SLC9A7: variants seen among roughly 807,000 people sequenced by gnomAD.
SLC9A7 encodes sodium/hydrogen exchanger 7.
A neutral mutation model predicts 52.6 loss-of-function variants in SLC9A7; 19 were observed. The observed-to-expected ratio is 0.36, with a 90% confidence interval of 0.25 to 0.53. The LOEUF is 0.53. SLC9A7 is among the 20% of genes least tolerant of loss of function. SLC9A7 has a pLI of 0.91. For missense variants in SLC9A7, 455 were observed against 597.9 expected, an observed-to-expected ratio of 0.76 and a Z score of 2.49; for synonymous variants, 226 against 252.1, an observed-to-expected ratio of 0.90 and a Z score of 0.98.
chrX:46,609,416 G>A (rs1338352877), intron 16 of SLC9A7, among the ~76,000 whole-genome samples: 2 of 112,383 alleles, frequency 1.8e-5, no homozygotes, highest in South Asian at 3.6e-4. Context: ...TAAAACCCAC[G>A]GAGGCTGGGT....
chrX:46,671,296 T>C (rs1236261584), intron 4 of SLC9A7, among the ~76,000 whole-genome samples: 1 of 110,895 alleles, frequency 9.0e-6, no homozygotes, highest in Non-Finnish European at 1.9e-5. Context: ...AGTCTCACTC[T>C]GTCGCCCAGG....
rs762782548 is a variant in SLC9A7, at chrX:46,702,576, C to T, written c.326-20041G>A. 4.5e-5 allele frequency among the ~76,000 whole-genome samples: 5 copies of T among 111,801 alleles called. No individual in the cohort carries two copies. In the South Asian group the frequency reaches 1.9e-3, roughly 42 times the overall value. On this transcript the variant is annotated intron_variant, in intron 1 of 16. Coordinates refer to ENST00000616978, the MANE Select transcript of SLC9A7 (RefSeq NM_001257291.2). ...TGTGTTAATTTGCTTAGGATTATGG[C>T]CTCCAGCTACTTCCATGTTGGTGCA...
At chrX:46,653,825 CTT>C (rs370041978) in intron 7 of SLC9A7, 111 bp from the exon 8 acceptor site, 2,785 of 392,309 alleles carry the variant, frequency 7.1e-3, no homozygotes, top group South Asian at 9.0e-3. Context: ...TCCCTTCAAC[CTT>C]TTTTTTTTTT....
At chrX:46,698,605 C>G (rs1944484025) in intron 1 of SLC9A7, among the ~76,000 whole-genome samples, 1 of 111,843 alleles carries the variant, frequency 8.9e-6, no homozygotes, top group Admixed American at 9.5e-5. Flanking sequence ...CCCGGGAACC[C>G]CTACTGCATA....
intron 13 of SLC9A7, among the ~76,000 whole-genome samples, chrX:46,632,082 C>T (rs1943231643): frequency 8.9e-6 from 1 of 112,095 alleles, no homozygotes; most frequent in African/African-American, 3.2e-5. Flanking sequence ...TGTTGAAAGA[C>T]TTTAGAGTGA....
At chrX:46,737,001 T>C (rs1224971475) in intron 1 of SLC9A7, among the ~76,000 whole-genome samples, 1 of 111,867 alleles carries the variant, frequency 8.9e-6, no homozygotes, top group Non-Finnish European at 1.9e-5. Flanking sequence ...CCAAACACAA[T>C]GCCAGGCCTA....
At chrX:46,607,919 C>T (rs5906245) in intron 16 of SLC9A7, among the ~76,000 whole-genome samples, 24,920 of 111,824 alleles carry the variant, frequency 0.22, 2,495 homozygotes, top group Middle Eastern at 0.36. Context: ...CCAGCTCCCG[C>T]GCTGCACTGA....
chrX:46,630,034 T>C (rs749990796), intron 14 of SLC9A7, among the ~76,000 whole-genome samples: 2 of 111,657 alleles, frequency 1.8e-5, no homozygotes, highest in African/African-American at 3.3e-5. Flanking sequence ...GGGTGCCAAA[T>C]CTCCAATGAA....
intron 1 of SLC9A7, among the ~76,000 whole-genome samples, chrX:46,708,631 G>A (rs189482694): frequency 3.6e-5 from 4 of 112,239 alleles, no homozygotes; most frequent in African/African-American, 9.7e-5. Context: ...CAAGCAAGGC[G>A]TTGTGTTCTA....
chrX:46,716,660 G>A (rs772461629), intron 1 of SLC9A7, among the ~76,000 whole-genome samples: 2 of 112,014 alleles, frequency 1.8e-5, no homozygotes, highest in East Asian at 5.6e-4. Context: ...AATATCCATT[G>A]TAACCATTAG....
rs34064206 is a variant in SLC9A7, at chrX:46,645,618, CTT to C, written c.1463-2231_1463-2230del. 6.5e-3 allele frequency among the ~76,000 whole-genome samples: 508 copies of C among 78,024 alleles called. 4 individuals carry two copies. Among genetic ancestry groups the C allele is most frequent in the African/African-American group, 0.027 (435 of 16,275 alleles). The allele number at this position is 78,024 out of a possible 115,157, so 67.8% of individuals were successfully genotyped here. ...CAACCTCACCTTCTTTCCCCACTCC[CTT>C]TTTTTTTTTTTTTTTTTGCATATCA... On this transcript the variant is annotated intron_variant, in intron 11 of 16. Coordinates refer to ENST00000616978, the MANE Select transcript of SLC9A7 (RefSeq NM_001257291.2).
chrX:46,686,974 C>T (rs1040626557), intron 1 of SLC9A7, among the ~76,000 whole-genome samples: 1 of 112,166 alleles, frequency 8.9e-6, no homozygotes, highest in African/African-American at 3.2e-5. Context: ...ACTGTACTTG[C>T]ATATATATAG....
intron 10 of SLC9A7, 139 bp from the exon 11 acceptor site, chrX:46,648,936 C>G: frequency 9.0e-6 from 4 of 442,824 alleles, no homozygotes; most frequent in Non-Finnish European, 1.5e-5. Context: ...GCTTGACTGT[C>G]TAGTTCCCCC....
intron 1 of SLC9A7, among the ~76,000 whole-genome samples, chrX:46,758,166 G>A (rs1446520152): frequency 9.0e-6 from 1 of 111,558 alleles, no homozygotes; most frequent in Non-Finnish European, 1.9e-5. Flanking sequence ...TTCATGCTCT[G>A]ACTTTATCAT....
At chrX:46,744,771 G>A (rs747256523) in intron 1 of SLC9A7, among the ~76,000 whole-genome samples, 12 of 111,747 alleles carry the variant, frequency 1.1e-4, no homozygotes, top group Non-Finnish European at 1.7e-4. Flanking sequence ...TAAAAATACC[G>A]TGTTTGGTAA....
At chrX:46,720,054 T>A (rs1342572639) in intron 1 of SLC9A7, among the ~76,000 whole-genome samples, 1 of 111,783 alleles carries the variant, frequency 8.9e-6, no homozygotes, top group Non-Finnish European at 1.9e-5. Flanking sequence ...CAAACATGAT[T>A]AAGGTCATTA....
intron 1 of SLC9A7, among the ~76,000 whole-genome samples, chrX:46,730,670 T>TTATATATATATATATATATATATATA (rs57157177): frequency 1.9e-4 from 8 of 42,911 alleles, no homozygotes; most frequent in East Asian, 9.5e-4. Flanking sequence ...AAAAAAAAAA[T>TTATATATATATATATATATATATATA]TATATATATA....
At chrX:46,698,591 C>T (rs185296062) in intron 1 of SLC9A7, among the ~76,000 whole-genome samples, 2 of 111,673 alleles carry the variant, frequency 1.8e-5, no homozygotes, top group East Asian at 5.6e-4. Flanking sequence ...TTCTCTCTCC[C>T]AAGCCCGGGA....
chrX:46,619,856 A>G (rs1943015389), intron 15 of SLC9A7, among the ~76,000 whole-genome samples: 1 of 109,358 alleles, frequency 9.1e-6, no homozygotes, highest in Non-Finnish European at 1.9e-5. Flanking sequence ...AGGCTGGTCT[A>G]TAATTCCTGG....
Sources: allele counts gnomAD v4.1 joint callset (sites outside exome capture counted in the v4.1 genomes callset), GRCh38; gene constraint gnomAD v4.1.1; transcripts MANE v1.5; gene names NCBI Gene and HGNC (gene_info 2026-07-23, HGNC 2026-07-21).